The following WDFY3 variants were observed in gnomAD, a reference collection of about 807,000 sequenced individuals.
WDFY3 encodes the protein WD repeat and FYVE domain containing 3.
A neutral mutation model predicts 409.6 loss-of-function variants in WDFY3; 66 were observed. The ratio of observed to expected loss-of-function variants is 0.16; its 90% CI spans 0.13 to 0.20. WDFY3 has a LOEUF of 0.20. WDFY3 is among the 10% of genes least tolerant of loss of function. The probability of loss-of-function intolerance (pLI) is 1.00; values close to 1 mark genes in which losing one functional copy is unlikely to be tolerated. For synonymous variants in WDFY3, 1,521 were observed against 1,537.1 expected (o/e 0.99, Z 0.25); for missense variants, 3,031 against 4,298.1 (o/e 0.71, Z 8.24).
intron 3 of WDFY3, among the ~76,000 whole-genome samples, chr4:84,861,627 T>C (rs753943198): frequency 2.8e-4 from 42 of 152,036 alleles, no homozygotes; most frequent in Non-Finnish European, 3.2e-4. Flanking sequence ...TGAAATAGAA[T>C]AGAAAAAAAT....
intron 30 of WDFY3, among the ~76,000 whole-genome samples, chr4:84,769,566 C>A (rs1446840555): frequency 2.6e-5 from 4 of 152,032 alleles, no homozygotes; most frequent in Admixed American, 1.3e-4. Flanking sequence ...AGGTGACTGC[C>A]ACCATGCCCG....
intron 3 of WDFY3, among the ~76,000 whole-genome samples, chr4:84,880,310 T>C (rs1007116213): frequency 2.0e-5 from 3 of 152,118 alleles, no homozygotes; most frequent in Non-Finnish European, 4.4e-5. Context: ...CCTCCAAAAT[T>C]GTAAGACACT....
intron 1 of WDFY3, among the ~76,000 whole-genome samples, chr4:84,959,445 T>C (rs1191018787): frequency 2.0e-5 from 3 of 152,194 alleles, no homozygotes; most frequent in African/African-American, 7.2e-5. Flanking sequence ...ACCTCTCTAA[T>C]ACTTCAGCAG....
Position 84,787,587 on chromosome 4 carries a change from C to T in WDFY3, c.3796G>A (p.Gly1266Arg). The T allele has an allele frequency of 6.2e-7, 1 of 1,614,002 alleles. No homozygotes were observed. Among genetic ancestry groups the T allele is most frequent in the Non-Finnish European group, 8.5e-7 (1 of 1,180,014 alleles). Reference protein sequence around the residue: ...RQIASLVWRLGPTHFLEEVLP... With the variant: ...RQIASLVWRLRPTHFLEEVLP... ...ACTTCTTCTAGAAAATGTGTGGGTCCCAGGCGCCAAACCAATGAGGCAATT... is the reference window on the plus strand; with the variant it reads ...ACTTCTTCTAGAAAATGTGTGGGTCTCAGGCGCCAAACCAATGAGGCAATT... Residue 1266 changes from glycine (G) to arginine (R), a missense_variant, in exon 23 of 68, where the codon GGA becomes AGA. Gly to Arg is a moderately radical substitution (Grantham distance 125, BLOSUM62 -2). Around this residue, in one of 16 missense-constraint regions of WDFY3, gnomAD observed 1,322 missense variants for 1,697.9 expected, o/e 0.78. Transcript: ENST00000295888.
intron 7 of WDFY3, among the ~76,000 whole-genome samples, chr4:84,833,631 AT>A (rs1341598501): frequency 2.0e-5 from 3 of 151,642 alleles, no homozygotes; most frequent in Non-Finnish European, 2.9e-5. Context: ...TTCAGTCTAG[AT>A]GACAGAGTGA....
intron 32 of WDFY3, among the ~76,000 whole-genome samples, chr4:84,763,506 C>T (rs1056146076): frequency 1.3e-5 from 2 of 151,740 alleles, no homozygotes; most frequent in African/African-American, 4.8e-5. Context: ...ACATAATAAA[C>T]CTGAATGTTC....
At chr4:84,787,441 A>C in intron 23 of WDFY3, 41 bp downstream of exon 23, 1 of 1,577,328 alleles carries the variant, frequency 6.3e-7, no homozygotes, top group Non-Finnish European at 8.7e-7. Context: ...TGCAGGAGTT[A>C]AGTTTCATAC....
intron 36 of WDFY3, among the ~76,000 whole-genome samples, chr4:84,744,073 A>G (rs1738914157): frequency 6.8e-6 from 1 of 148,126 alleles, no homozygotes; most frequent in Non-Finnish European, 1.5e-5. Context: ...TATTTATTAT[A>G]TTGTTATAGT....
At position 84,837,485 on chromosome 4, in the gene WDFY3, T is replaced by TGA. The variant is rs548003242; in HGVS notation, c.415-397_415-396dup. Among the ~76,000 whole-genome samples the TGA allele has an allele frequency of 2.8e-3, 421 of 152,252 alleles. 2 individuals carry two copies. The highest frequency in any genetic ancestry group is 9.7e-3 in the African/African-American group (404 of 41,552). ...TGATACACCCTTCTCATGGCTAACA[T>TGA]GAGAGTTATGTAAGATAATACATAC... On this transcript the variant is annotated intron_variant, in intron 6 of 67. Coordinates refer to ENST00000295888, the MANE Select transcript of WDFY3 (RefSeq NM_014991.6).
chr4:84,863,345 T>C (rs1027913793), intron 3 of WDFY3, among the ~76,000 whole-genome samples: 1 of 152,214 alleles, frequency 6.6e-6, no homozygotes, highest in Non-Finnish European at 1.5e-5. Flanking sequence ...CCACCAACAG[T>C]GTACAAGAGT....
intron 58 of WDFY3, among the ~76,000 whole-genome samples, chr4:84,694,487 T>C (rs1238799645): frequency 6.6e-6 from 1 of 152,258 alleles, no homozygotes; most frequent in Non-Finnish European, 1.5e-5. Context: ...GCAAGTGTCT[T>C]GATTTTTATG....
chr4:84,941,129 A>G (rs771363325), intron 1 of WDFY3, among the ~76,000 whole-genome samples: 3 of 152,008 alleles, frequency 2.0e-5, no homozygotes, highest in Non-Finnish European at 2.9e-5. Flanking sequence ...CCAGTGCAAT[A>G]AGGCATGAAA....
In WDFY3 at chr4:84,863,614, T is replaced by C. The variant is rs563670679; in HGVS notation, c.-31-2992A>G. ...TGCATGAGTCCCTTATGTACTTAAA[T>C]TATTACCTACACCAATATCATGAGG... is the stretch of plus-strand genomic sequence containing the variant. On this transcript the variant is annotated intron_variant, in intron 3 of 67. Coordinates refer to ENST00000295888, the MANE Select transcript of WDFY3 (RefSeq NM_014991.6). Among the ~76,000 whole-genome samples the C allele has an allele frequency of 3.1e-4, 47 of 152,330 alleles. No homozygotes were observed. The South Asian group carries it at 4.3e-3, about 14-fold the overall frequency.
intron 2 of WDFY3, among the ~76,000 whole-genome samples, chr4:84,910,314 C>A (rs564613669): frequency 2.0e-5 from 3 of 152,044 alleles, no homozygotes; most frequent in African/African-American, 7.2e-5. Context: ...ATCAGTCCCC[C>A]ACAGATACAA....
chr4:84,720,836 A>AT (rs11389143), intron 47 of WDFY3, among the ~76,000 whole-genome samples: 50,448 of 151,964 alleles, frequency 0.33, 8,542 homozygotes, highest in East Asian at 0.44. Flanking sequence ...GGAAAAAAAA[A>AT]CACAACATGG....
Position 84,740,517 on chromosome 4 carries a change from G to A in WDFY3, c.6235-101C>T, listed in dbSNP as rs1435248255. ...TTATTAGGTCTATTATATACCAGAT[G>A]CCATGCTAAGTATGCAGGTGCTAAG... On this transcript the variant is annotated intron_variant, in intron 38 of 67. Transcript: ENST00000295888. 7.2e-6 allele frequency: 8 copies of A among 1,104,226 alleles called. No individual in the cohort carries two copies. The African/African-American group carries it at 9.4e-5, about 13-fold the overall frequency. 68.4% of individuals were successfully genotyped at this position (1,104,226 alleles called of 1,614,324 possible). A position where few individuals can be genotyped will look rare whatever the true frequency, so the allele number is the denominator to read the frequency against.
intron 1 of WDFY3, among the ~76,000 whole-genome samples, chr4:84,936,636 A>G (rs2150997777): frequency 6.6e-6 from 1 of 152,266 alleles, no homozygotes; most frequent in Admixed American, 6.5e-5. Context: ...GTTAAACTAA[A>G]TAATAACAAA....
At chr4:84,776,855 G>C (rs1296381268) in intron 27 of WDFY3, among the ~76,000 whole-genome samples, 4 of 152,058 alleles carry the variant, frequency 2.6e-5, no homozygotes, top group East Asian at 3.8e-4. Context: ...TTGAATAAAT[G>C]ATACGATTAT....
Position 84,801,793 on chromosome 4 carries a change from T to A in WDFY3, c.2679A>T (p.Gln893His). Reference sequence around the variant, plus strand: ...CATGAAGACCAGCTTCACACATGACTTGCTGGTTCCTTTCTGTGTGCACCA... The same window carrying A: ...CATGAAGACCAGCTTCACACATGACATGCTGGTTCCTTTCTGTGTGCACCA... ...QSLVHTERNQ[Q>H]VMCEAGLHAR... Residue 893 changes from glutamine to histidine, a missense_variant, in exon 17 of 68, where the codon CAA (glutamine) becomes CAT (histidine). Coordinates refer to ENST00000295888, the MANE Select transcript of WDFY3 (RefSeq NM_014991.6). 6.2e-7 allele frequency: 1 copy of A among 1,614,188 alleles called. No homozygotes were observed. The highest frequency in any genetic ancestry group is 8.5e-7 in the Non-Finnish European group (1 of 1,180,038).
Sources: allele counts gnomAD v4.1 joint callset (sites outside exome capture counted in the v4.1 genomes callset), GRCh38; gene constraint gnomAD v4.1.1; regional missense constraint gnomAD v4.1.1; transcripts MANE v1.5; gene names NCBI Gene and HGNC (gene_info 2026-07-23, HGNC 2026-07-21).